Variants in GMEB1 observed in about 807,000 individuals in gnomAD.
GMEB1 encodes glucocorticoid modulatory element-binding protein 1.
GMEB1 carries 6 observed loss-of-function variants against 52.4 expected under a neutral mutation model. The observed-to-expected ratio is 0.11, with a 90% confidence interval of 0.06 to 0.23. The LOEUF is 0.23. GMEB1 is among the 10% of genes least tolerant of loss of function. GMEB1 has a pLI of 1.00. For synonymous variants in GMEB1, 255 were observed against 244.9 expected, an observed-to-expected ratio of 1.04 and a Z score of -0.38; for missense variants, 486 against 685.6, an observed-to-expected ratio of 0.71 and a Z score of 3.25.
chr1:28,706,853 G>A (rs1021411668), intron 8 of GMEB1, among the ~76,000 whole-genome samples: 1 of 151,530 alleles, frequency 6.6e-6, no homozygotes, highest in Non-Finnish European at 1.5e-5. Context: ...TTTTAGTAGA[G>A]ATGGGGTTTC....
chr1:28,670,435 C>A (rs1668832303), intron 1 of GMEB1, among the ~76,000 whole-genome samples: 1 of 152,190 alleles, frequency 6.6e-6, no homozygotes, highest in Admixed American at 6.6e-5. Flanking sequence ...TCAAGCGATT[C>A]TCCTGCCTCA....
At chr1:28,708,530 C>T (rs541650058) in intron 8 of GMEB1, among the ~76,000 whole-genome samples, 21 of 151,906 alleles carry the variant, frequency 1.4e-4, no homozygotes, top group Non-Finnish European at 2.4e-4. Flanking sequence ...GGTGCAATCT[C>T]GGCTCACTGC....
rs1407037138 is a variant in GMEB1 at position 28,714,311 on chromosome 1, C to T, written c.1230C>T (p.Gly410=). Residue 410 remains glycine, a synonymous_variant, in exon 10 of 10, where the codon GGC becomes GGT. Coordinates refer to ENST00000373816, the MANE Select transcript of GMEB1 (RefSeq NM_001319674.2). ...CAGTGGGTCAGTCATTTTCCATGGG[C>T]AATATTCCAGTGGCCACCCTCAGCC... ...ITPVGQSFSM[G]NIPVATLSQG... is the part of the protein sequence containing the mutation. 6.2e-7 allele frequency: 1 copy of T among 1,614,180 alleles called. No homozygotes were observed. Among genetic ancestry groups the T allele is most frequent in the East Asian group, 2.2e-5 (1 of 44,886 alleles).
Position 28,717,881 on chromosome 1 carries a change from A to G in GMEB1, c.*3108A>G, listed in dbSNP as rs1046278881. On this transcript the variant is annotated 3_prime_UTR_variant, in exon 10 of 10. Transcript: ENST00000373816. ...TCTTTCCTCCATCAGAGCTATTGGTAGGGTTTTAAGGTCGTGTGTGCATCA... is the reference window on the plus strand; with the variant it reads ...TCTTTCCTCCATCAGAGCTATTGGTGGGGTTTTAAGGTCGTGTGTGCATCA... The G allele has an allele frequency of 6.6e-6, 1 of 152,138 alleles. No individual in the cohort carries two copies. The highest frequency in any genetic ancestry group is 1.5e-5 in the Non-Finnish European group (1 of 68,040). 9.4% of individuals were successfully genotyped at this position (152,138 alleles called of 1,614,324 possible). A position where few individuals can be genotyped will look rare whatever the true frequency, so the allele number is the denominator to read the frequency against.
intron 4 of GMEB1, among the ~76,000 whole-genome samples, chr1:28,692,239 A>G (rs1570407630): frequency 6.8e-6 from 1 of 147,430 alleles, no homozygotes; most frequent in African/African-American, 2.5e-5. Flanking sequence ...GCATCTTCAA[A>G]AAAAACTATT....
rs1557512989 is a variant in GMEB1 at position 28,697,195 on chromosome 1, A to C, written c.598+111A>C. ...TATATATATATATATATATATATAT[A>C]TATATGTATTTTTTTATTTTAATTT... On this transcript the variant is annotated intron_variant, in intron 6 of 9. Coordinates refer to ENST00000373816, the MANE Select transcript of GMEB1 (RefSeq NM_001319674.2). 7 of 155,110 alleles carry C rather than the reference A, an allele frequency of 4.5e-5. 1 individual carries two copies. Among genetic ancestry groups the C allele is most frequent in the Non-Finnish European group, 1.3e-5 (1 of 77,864 alleles). The allele number at this position is 155,110 out of a possible 1,614,324, so 9.6% of individuals were successfully genotyped here. A position where few individuals can be genotyped will look rare whatever the true frequency, so the allele number is the denominator to read the frequency against.
At chr1:28,698,146 G>A (rs1295744796) in intron 6 of GMEB1, among the ~76,000 whole-genome samples, 1 of 151,178 alleles carries the variant, frequency 6.6e-6, no homozygotes, top group African/African-American at 2.4e-5. Context: ...TCTCAAAAAA[G>A]AAAAATGAGG....
rs141945773 is a variant in GMEB1 at position 28,719,219 on chromosome 1, G to A, written c.*4446G>A. The A allele has an allele frequency of 1.2e-4, 18 of 152,356 alleles. No homozygotes were observed. The highest frequency in any genetic ancestry group is 3.6e-4 in the African/African-American group (15 of 41,550). The allele number at this position is 152,356 out of a possible 1,614,324, so 9.4% of individuals were successfully genotyped here. ...TGAGAGTCAGCTGTACAACTGTCTT[G>A]TCTTGGCCATGTCCCTGTTTGGTCC... On this transcript the variant is annotated 3_prime_UTR_variant, in exon 10 of 10. Transcript: ENST00000373816.
At chr1:28,689,713 T>C in intron 2 of GMEB1, 1 of 158,308 alleles carries the variant, frequency 6.3e-6, no homozygotes, top group East Asian at 1.8e-4. Context: ...GGTAACTGTT[T>C]GTAGATGTCC....
At chr1:28,692,286 C>A (rs917136874) in intron 4 of GMEB1, among the ~76,000 whole-genome samples, 2 of 151,956 alleles carry the variant, frequency 1.3e-5, no homozygotes, top group African/African-American at 4.8e-5. Flanking sequence ...AATCCCAGCA[C>A]TTTGGGAGGC....
At chr1:28,679,898 C>T (rs917400629) in intron 1 of GMEB1, among the ~76,000 whole-genome samples, 14 of 151,822 alleles carry the variant, frequency 9.2e-5, no homozygotes, top group Admixed American at 2.6e-4. Flanking sequence ...CTCTGCCTCC[C>T]GGGTTCAAGC....
chr1:28,691,249 G>A (rs965202105), intron 3 of GMEB1, among the ~76,000 whole-genome samples: 1 of 152,082 alleles, frequency 6.6e-6, no homozygotes, highest in Admixed American at 6.6e-5. Flanking sequence ...AATGAGCTGA[G>A]ATCACGCCAC....
At chr1:28,693,073 T>C (rs758318475) in intron 5 of GMEB1, 28 bp downstream of exon 5, 1 of 1,167,762 alleles carries the variant, frequency 8.6e-7, no homozygotes, top group Non-Finnish European at 1.2e-6. Flanking sequence ...GCACATACCT[T>C]TCAACAAACT....
chr1:28,705,365 G>A (rs1420547388), intron 8 of GMEB1, among the ~76,000 whole-genome samples: 1 of 151,182 alleles, frequency 6.6e-6, no homozygotes, highest in Non-Finnish European at 1.5e-5. Context: ...CTGCCCACCA[G>A]TCTGGGTGAT....
At chr1:28,671,523 CTT>C (rs1424638638) in intron 1 of GMEB1, among the ~76,000 whole-genome samples, 3 of 152,154 alleles carry the variant, frequency 2.0e-5, no homozygotes, top group Admixed American at 6.6e-5. Flanking sequence ...CTCGGCCTCT[CTT>C]TAGCTCGAGT....
intron 1 of GMEB1, among the ~76,000 whole-genome samples, chr1:28,672,959 G>A (rs1402974380): frequency 5.3e-5 from 8 of 149,632 alleles, no homozygotes; most frequent in African/African-American, 9.9e-5. Context: ...GCAGTGGCGC[G>A]ATCTCGGCTC....
In GMEB1 at chr1:28,694,118, GACAT is replaced by G. The variant is rs556782470; in HGVS notation, c.440+1079_440+1082del. 2.7e-3 allele frequency among the ~76,000 whole-genome samples: 404 copies of G among 150,750 alleles called. 1 individual carries two copies. Among genetic ancestry groups the G allele is most frequent in the African/African-American group, 9.5e-3 (392 of 41,196 alleles). ...ATTAAACTGATTTTGGCTGTGTTAA[GACAT>G]ACATATGTAAGTAAAATTTAGTAGA... On this transcript the variant is annotated intron_variant, in intron 5 of 9. Transcript: ENST00000373816.
intron 9 of GMEB1, among the ~76,000 whole-genome samples, chr1:28,713,336 T>C (rs1450900593): frequency 2.0e-5 from 3 of 152,202 alleles, no homozygotes; most frequent in Non-Finnish European, 4.4e-5. Context: ...TATCAGGTAC[T>C]AAGTAATAGG....
In GMEB1 at chr1:28,683,651, G is replaced by C. The variant is rs762489763; in HGVS notation, c.39G>C (p.Val13=). The C allele has an allele frequency of 1.2e-6, 2 of 1,610,842 alleles. No individual in the cohort carries two copies. Among genetic ancestry groups the C allele is most frequent in the Non-Finnish European group, 8.5e-7 (1 of 1,178,616 alleles). Residue 13 remains valine, a synonymous_variant, in exon 2 of 10, where the codon GTG becomes GTC. Coordinates refer to ENST00000373816, the MANE Select transcript of GMEB1 (RefSeq NM_001319674.2). ...AAGTGAGTGTCCCAGTGGGGGATGT[G>C]GTTGTGGTACCTACTGAAGGAAATG... ...NAEVSVPVGD[V]VVVPTEGNEG...
Sources: allele counts gnomAD v4.1 joint callset (sites outside exome capture counted in the v4.1 genomes callset), GRCh38; gene constraint gnomAD v4.1.1; transcripts MANE v1.5; gene names NCBI Gene and HGNC (gene_info 2026-07-23, HGNC 2026-07-21).